The following SLC26A5 variants were observed in gnomAD, a reference collection of about 807,000 sequenced individuals.
SLC26A5 encodes prestin.
In SLC26A5, 51 loss-of-function variants were observed where a neutral mutation model predicts 81.0. That is an observed-to-expected ratio of 0.63 (90% CI 0.50 to 0.80). The LOEUF is 0.80. SLC26A5 is among the 30% of genes least tolerant of loss of function. The pLI is 0.00. For missense variants in SLC26A5, 771 were observed against 905.8 expected (o/e 0.85, Z 1.91); for synonymous variants, 325 against 332.8 (o/e 0.98, Z 0.25).
rs374732543 is a variant in SLC26A5 at position 103,407,822 on chromosome 7, G to A, written c.888+29C>T. 9.3e-6 allele frequency: 15 copies of A among 1,612,548 alleles called. No individual in the cohort carries two copies. The African/African-American group carries it at 1.1e-4, about 11-fold the overall frequency. ...ATAAGTAAATGCAGTTGTAGAAGCC[G>A]AGTAGGTCACTGACCGAAGGTGACT... is the stretch of plus-strand genomic sequence containing the variant. On this transcript the variant is annotated intron_variant, in intron 8 of 19. Transcript: ENST00000306312.
Position 103,413,037 on chromosome 7 carries a change from T to C in SLC26A5, c.368A>G (p.Tyr123Cys), listed in dbSNP as rs1481817068. 1 of 1,613,552 alleles carries C rather than the reference T, an allele frequency of 6.2e-7. No homozygotes were observed. Among genetic ancestry groups the C allele is most frequent in the Middle Eastern group, 1.7e-4 (1 of 6,060 alleles). Reference sequence around the variant, plus strand: ...GTGTCTGGAGGTTCCAAGAAAACAATACATGATAACAGGGTAAAATGAAGA... The same window carrying C: ...GTGTCTGGAGGTTCCAAGAAAACAACACATGATAACAGGGTAAAATGAAGA... ...LYSSFYPVIMYCFLGTSRHIS... is the reference protein window; with the variant it reads ...LYSSFYPVIMCCFLGTSRHIS... Residue 123 changes from tyrosine (Y) to cysteine (C), a missense_variant, in exon 5 of 20, where the codon TAT becomes TGT. Tyr to Cys is a radical substitution (Grantham distance 194, BLOSUM62 -2). Transcript: ENST00000306312.
At chr7:103,368,084 A>C in intron 19 of SLC26A5, 1 of 1,574,892 alleles carries the variant, frequency 6.3e-7, no homozygotes, top group South Asian at 1.1e-5. Context: ...GAAAACTTTA[A>C]ATTGGAATCC....
At chr7:103,430,076 CTTTTTTTTTTT>C (rs34122107) in intron 2 of SLC26A5, among the ~76,000 whole-genome samples, 1 of 137,186 alleles carries the variant, frequency 7.3e-6, no homozygotes. Context: ...GGAAATGGCA[CTTTTTTTTTTT>C]TTTTTTTTGA....
chr7:103,390,626 T>G, intron 11 of SLC26A5, 120 bp from the exon 12 acceptor site: 1 of 817,266 alleles, frequency 1.2e-6, no homozygotes, highest in Non-Finnish European at 2.2e-6. Flanking sequence ...TGGATTCAAA[T>G]AAGTCAACTA....
At chr7:103,429,738 G>A (rs1381328136) in intron 2 of SLC26A5, among the ~76,000 whole-genome samples, 2 of 152,338 alleles carry the variant, frequency 1.3e-5, no homozygotes, top group South Asian at 2.1e-4. Context: ...CTGCAAGCTC[G>A]ATGAGGGCAG....
At chr7:103,389,246 A>G (rs1480429230) in intron 13 of SLC26A5, 83 bp downstream of exon 13, 1 of 1,250,678 alleles carries the variant, frequency 8.0e-7, no homozygotes, top group African/African-American at 1.5e-5. Context: ...CAACTGCATT[A>G]ATTTATCTTT....
intron 4 of SLC26A5, among the ~76,000 whole-genome samples, chr7:103,414,732 C>T (rs1824776765): frequency 1.3e-5 from 2 of 152,254 alleles, no homozygotes; most frequent in African/African-American, 2.4e-5. Flanking sequence ...CATCCATGTG[C>T]AGGTTCACTT....
rs1002879312 is a variant in SLC26A5 at position 103,362,454 on chromosome 7, AT to A, written c.2042-9529del. Reference sequence around the variant, plus strand: ...AACTCACTTAGTAAATTAAAAAAAAATCTCCCCTCCCTCCTCAAAGGTTTGA... The same window carrying A: ...AACTCACTTAGTAAATTAAAAAAAAACTCCCCTCCCTCCTCAAAGGTTTGA... On this transcript the variant is annotated intron_variant, in intron 19 of 19. Transcript: ENST00000339444. The A allele has an allele frequency of 1.3e-5, 18 of 1,369,172 alleles. No individual in the cohort carries two copies. In the African/African-American group the frequency reaches 2.2e-4, roughly 17 times the overall value. 84.8% of individuals were successfully genotyped at this position (1,369,172 alleles called of 1,614,324 possible).
At chr7:103,433,341 T>C (rs1826214612) in intron 2 of SLC26A5, 1 of 152,220 alleles carries the variant, frequency 6.6e-6, no homozygotes, top group Non-Finnish European at 1.5e-5. Context: ...TCAAGGTTAT[T>C]TGAACATTTG....
intron 2 of SLC26A5, among the ~76,000 whole-genome samples, chr7:103,422,400 C>T (rs115925034): frequency 0.016 from 2,374 of 152,230 alleles, 59 homozygotes; most frequent in African/African-American, 0.054. Flanking sequence ...ATCATCAATA[C>T]ATCTCAGAGG....
chr7:103,426,867 T>C (rs1057442955), intron 2 of SLC26A5, among the ~76,000 whole-genome samples: 1 of 152,142 alleles, frequency 6.6e-6, no homozygotes, highest in African/African-American at 2.4e-5. Context: ...TGATTGAAAT[T>C]ATAAATCACC....
At chr7:103,403,745 C>A (rs544927590) in intron 8 of SLC26A5, among the ~76,000 whole-genome samples, 21 of 150,302 alleles carry the variant, frequency 1.4e-4, no homozygotes, top group Non-Finnish European at 2.5e-4. Flanking sequence ...TTCCTCCATC[C>A]CTTTATTTTG....
intron 19 of SLC26A5, among the ~76,000 whole-genome samples, chr7:103,357,205 A>G (rs1488826384): frequency 6.6e-6 from 1 of 152,006 alleles, no homozygotes; most frequent in African/African-American, 2.4e-5. Context: ...GGGCGCTTGT[A>G]ATCCCAGCTA....
At chr7:103,406,131 CCG>C (rs1824028770) in intron 8 of SLC26A5, among the ~76,000 whole-genome samples, 1 of 152,140 alleles carries the variant, frequency 6.6e-6, no homozygotes, top group Non-Finnish European at 1.5e-5. Context: ...GGGGTGGGAT[CCG>C]CTGAGCTAGA....
At chr7:103,393,210 A>G (rs1822815576) in intron 9 of SLC26A5, 144 bp from the exon 10 acceptor site, 1 of 1,024,598 alleles carries the variant, frequency 9.8e-7, no homozygotes, top group African/African-American at 1.6e-5. Context: ...TCTGGTTGGC[A>G]AAAAGGAGGG....
intron 19 of SLC26A5, among the ~76,000 whole-genome samples, chr7:103,376,265 G>A (rs1399486075): frequency 1.3e-5 from 2 of 151,674 alleles, no homozygotes; most frequent in Non-Finnish European, 2.9e-5. Flanking sequence ...TAGTAGAGAT[G>A]GGGTTTTGCC....
chr7:103,370,511 A>G (rs1187227126), downstream of SLC26A5, among the ~76,000 whole-genome samples: 1 of 151,804 alleles, frequency 6.6e-6, no homozygotes, highest in African/African-American at 2.4e-5. Flanking sequence ...GTACACTCAG[A>G]GGCTGGTACT....
chr7:103,391,153 G>A (rs1194567142), intron 11 of SLC26A5, among the ~76,000 whole-genome samples: 4 of 152,140 alleles, frequency 2.6e-5, no homozygotes, highest in Non-Finnish European at 4.4e-5. Context: ...ATGAGCTACC[G>A]CACTTGGCCG....
chr7:103,354,048 GT>G (rs1819884126), intron 19 of SLC26A5: 1 of 1,014,574 alleles, frequency 9.9e-7, no homozygotes, highest in Middle Eastern at 3.3e-4. Flanking sequence ...ATTAGAAGAA[GT>G]TAAGAAACCA....
Sources: gnomAD v4.1 joint callset for allele counts (sites outside exome capture counted in the v4.1 genomes callset) on GRCh38, gnomAD v4.1.1 for gene constraint, MANE v1.5 for transcripts, NCBI Gene and HGNC (gene_info 2026-07-23, HGNC 2026-07-21) for gene names.